IPO13: variants seen among roughly 807,000 people sequenced by gnomAD.
IPO13 encodes the protein importin-13.
In IPO13, 28 loss-of-function variants were observed where a neutral mutation model predicts 115.5. The ratio of observed to expected loss-of-function variants is 0.24; its 90% confidence interval spans 0.18 to 0.33. The LOEUF is 0.33. Ranked by LOEUF, IPO13 falls within the 10% of genes least tolerant of loss-of-function variation. The probability of loss-of-function intolerance (pLI) is 1.00; values close to 1 mark genes in which losing one functional copy is unlikely to be tolerated. For synonymous variants in IPO13, 414 were observed against 478.9 expected, an observed-to-expected ratio of 0.86 and a Z score of 1.77; for missense variants, 785 against 1,204.6, an observed-to-expected ratio of 0.65 and a Z score of 5.16.
Position 43,957,451 on chromosome 1 carries a change from A to T in IPO13, c.1442A>T (p.Asp481Val). 3.1e-6 allele frequency: 5 copies of T among 1,614,144 alleles called. No individual in the cohort carries two copies. Among genetic ancestry groups the T allele is most frequent in the Non-Finnish European group, 4.2e-6 (5 of 1,180,026 alleles). ...TTCCAATCCATCGCAGAGACCATTG[A>T]CGTCAACTATTCTGATGTGGTGCCT... is the stretch of plus-strand genomic sequence containing the variant. ...YGFQSIAETI[D>V]VNYSDVVPGL... The change falls in exon 7 of 20, where the codon GAC (aspartate) becomes GTC (valine). Residue 481 changes from aspartate (D) to valine (V), a missense_variant. Asp to Val is a radical substitution (Grantham distance 152). This residue lies in a region of IPO13 where 175 missense variants were observed against 360.0 expected (regional missense o/e 0.49). Transcript: ENST00000372343.
Position 43,967,836 on chromosome 1 carries a change from A to G in IPO13, c.*154A>G. The G allele has an allele frequency of 1.4e-6, 1 of 708,774 alleles. No homozygotes were observed. The highest frequency in any genetic ancestry group is 2.4e-6 in the Non-Finnish European group (1 of 411,706). 43.9% of individuals were successfully genotyped at this position (708,774 alleles called of 1,614,324 possible). A position where few individuals can be genotyped will look rare whatever the true frequency, so the allele number is the denominator to read the frequency against. ...GAAGGCCTGGGGGAAGGATGGGAGG[A>G]TGCTTGGACCCAGGCCTTGGGAGGG... is the stretch of plus-strand genomic sequence containing the variant. On this transcript the variant is annotated 3_prime_UTR_variant, in exon 20 of 20. Transcript: ENST00000372343. The surrounding 1 kb of genome is among the most constrained non-coding windows in gnomAD (Gnocchi z 6.1).
chr1:43,964,361 C>T, intron 15 of IPO13, 40 bp downstream of exon 15: 1 of 1,414,698 alleles, frequency 7.1e-7, no homozygotes. Flanking sequence ...TGTTCTCTCT[C>T]TTTCTCTTTC....
chr1:43,954,074 C>T (rs2085227294), intron 2 of IPO13, among the ~76,000 whole-genome samples: 1 of 152,226 alleles, frequency 6.6e-6, no homozygotes, highest in African/African-American at 2.4e-5. Flanking sequence ...TCTGCATGAA[C>T]TTTGGCAGGT....
chr1:43,947,278 C>T lies in IPO13; in HGVS notation c.-323C>T, dbSNP rs1191969979. 3 of 399,080 alleles carry T rather than the reference C, an allele frequency of 7.5e-6. No individual in the cohort carries two copies. The highest frequency in any genetic ancestry group is 1.3e-5 in the Non-Finnish European group (3 of 226,278). The allele number at this position is 399,080 out of a possible 1,614,324, so 24.7% of individuals were successfully genotyped here. A position where few individuals can be genotyped will look rare whatever the true frequency, so the allele number is the denominator to read the frequency against. ...GGACTCGGTTTCCCCCGCAGGCCTCCCTCCCCTGTGACTCCCTCCACACAG... is the reference window on the plus strand; with the variant it reads ...GGACTCGGTTTCCCCCGCAGGCCTCTCTCCCCTGTGACTCCCTCCACACAG... On this transcript the variant is annotated 5_prime_UTR_variant, in exon 1 of 20. Transcript: ENST00000372343.
rs1484954412 is a variant in IPO13, at chr1:43,966,664, G to A, written c.2464+23G>A. The A allele has an allele frequency of 3.7e-6, 6 of 1,614,138 alleles. No homozygotes were observed. Among genetic ancestry groups the A allele is most frequent in the Non-Finnish European group, 3.4e-6 (4 of 1,179,952 alleles). Reference sequence around the variant, plus strand: ...GTGGTAAGTGGGGCGAGATGGACAGGTGGGCCTGGGGCTCCCCTAGAAGGA... The same window carrying A: ...GTGGTAAGTGGGGCGAGATGGACAGATGGGCCTGGGGCTCCCCTAGAAGGA... On this transcript the variant is annotated intron_variant, in intron 16 of 19. Coordinates refer to ENST00000372343, the MANE Select transcript of IPO13 (RefSeq NM_014652.4). The surrounding 1 kb of genome is among the most constrained non-coding windows in gnomAD (Gnocchi z 4.1).
rs748795807 is a variant in IPO13 at position 43,967,492 on chromosome 1, C to G, written c.2791C>G (p.Leu931Val). Residue 931 changes from leucine to valine, a missense_variant, in exon 19 of 20, where the codon CTT becomes GTT. Coordinates refer to ENST00000372343, the MANE Select transcript of IPO13 (RefSeq NM_014652.4). The surrounding 1 kb of genome is among the most constrained non-coding windows in gnomAD (Gnocchi z 6.1). ...EQKDTFSQQI[L>V]RERVNKRRVK... is the part of the protein sequence containing the mutation. ...GAAGGATACCTTCAGCCAGCAGATC[C>G]TTCGGTGAGCAGAGCTGGGGTGGGC... 1.2e-6 allele frequency: 2 copies of G among 1,613,964 alleles called. No homozygotes were observed. The highest frequency in any genetic ancestry group is 2.2e-5 in the East Asian group (1 of 44,888).
At position 43,958,419 on chromosome 1, in the gene IPO13, C is replaced by T. The variant is rs373674840; in HGVS notation, c.1750-42C>T. ...GCTCATTTTCCTTCCTACCCCACAACTAGATGTGGCCAGGACTGACCATCC... is the reference window on the plus strand; with the variant it reads ...GCTCATTTTCCTTCCTACCCCACAATTAGATGTGGCCAGGACTGACCATCC... On this transcript the variant is annotated intron_variant, in intron 9 of 19. Coordinates refer to ENST00000372343, the MANE Select transcript of IPO13 (RefSeq NM_014652.4). The surrounding 1 kb of genome is among the most constrained non-coding windows in gnomAD (Gnocchi z 6.3). 3 of 1,612,638 alleles carry T rather than the reference C, an allele frequency of 1.9e-6. No individual in the cohort carries two copies. Among genetic ancestry groups the T allele is most frequent in the East Asian group, 2.2e-5 (1 of 44,894 alleles).
In IPO13 at chr1:43,947,534, C is replaced by A; in HGVS notation, c.-67C>A. 1 of 955,472 alleles carries A rather than the reference C, an allele frequency of 1.0e-6. No homozygotes were observed. Among genetic ancestry groups the A allele is most frequent in the Non-Finnish European group, 1.4e-6 (1 of 725,366 alleles). 59.2% of individuals were successfully genotyped at this position (955,472 alleles called of 1,614,324 possible). A position where few individuals can be genotyped will look rare whatever the true frequency, so the allele number is the denominator to read the frequency against. ...ACCCAAGCCGGGGTCTAGCAGGGGG[C>A]CAGCAGCCAAGGGGCTGGGGCAGGA... On this transcript the variant is annotated 5_prime_UTR_variant, in exon 1 of 20. Transcript: ENST00000372343.
intron 13 of IPO13, 73 bp from the exon 14 acceptor site, chr1:43,961,093 T>G: frequency 6.2e-7 from 1 of 1,608,618 alleles, no homozygotes; most frequent in South Asian, 1.1e-5. Context: ...GGTCCCCACT[T>G]GCATTCCAGG....
chr1:43,967,877 C>T lies in IPO13; in HGVS notation c.*195C>T, dbSNP rs2085337765. 1.1e-5 allele frequency: 7 copies of T among 614,740 alleles called. No individual in the cohort carries two copies. The highest frequency in any genetic ancestry group is 5.8e-5 in the South Asian group (3 of 51,694). The allele number at this position is 614,740 out of a possible 1,614,324, so 38.1% of individuals were successfully genotyped here. ...CTTGGGAGGGAATGGTGGGAACATC[C>T]TCTAGCTCCCAGGTTGGAAGAGATA... On this transcript the variant is annotated 3_prime_UTR_variant, in exon 20 of 20. Coordinates refer to ENST00000372343, the MANE Select transcript of IPO13 (RefSeq NM_014652.4). This position sits in a 1 kb window ranked among gnomAD's most constrained non-coding sequence, Gnocchi z 6.1.
intron 2 of IPO13, among the ~76,000 whole-genome samples, chr1:43,955,380 CCA>C (rs1295356778): frequency 1.3e-5 from 2 of 152,078 alleles, no homozygotes; most frequent in Non-Finnish European, 2.9e-5. Context: ...TAACATAGTA[CCA>C]CAAACTAGGT....
intron 1 of IPO13, among the ~76,000 whole-genome samples, 197 bp from the exon 2 acceptor site, chr1:43,949,220 G>C (rs2085188487): frequency 6.6e-6 from 1 of 152,204 alleles, no homozygotes; most frequent in Admixed American, 6.5e-5. Flanking sequence ...ATATGGTAGA[G>C]CATGGGCAAG....
chr1:43,966,995 T>A lies in IPO13; in HGVS notation c.2589T>A (p.Arg863=). 4 of 1,613,678 alleles carry A rather than the reference T, an allele frequency of 2.5e-6. No homozygotes were observed. The highest frequency in any genetic ancestry group is 3.4e-6 in the Non-Finnish European group (4 of 1,179,956). The change falls in exon 18 of 20, where the codon CGT becomes CGA. Residue 863 remains arginine, a synonymous_variant. Transcript: ENST00000372343. This position sits in a 1 kb window ranked among gnomAD's most constrained non-coding sequence, Gnocchi z 4.1. The part of the protein sequence containing the change: ...SVGKVVQEDG[R]MLLIAVLEAI... ...GAAAGGTGGTACAGGAAGACGGTCGTATGCTGCTCATAGCAGTGCTGGAGG... is the reference window on the plus strand; with the variant it reads ...GAAAGGTGGTACAGGAAGACGGTCGAATGCTGCTCATAGCAGTGCTGGAGG...
chr1:43,963,363 G>T (rs1169239763), intron 14 of IPO13, among the ~76,000 whole-genome samples: 1 of 152,194 alleles, frequency 6.6e-6, no homozygotes, highest in Non-Finnish European at 1.5e-5. Context: ...CTTGTTGGTT[G>T]TCTCGCTGGA....
chr1:43,956,224 GC>G lies in IPO13; in HGVS notation c.822-95del. ...CTTAGGATTTGATAAGGGAAGGGGA[GC>G]TTTGATGGAAGACAAGGAGATTATG... On this transcript the variant is annotated intron_variant, in intron 2 of 19. Transcript: ENST00000372343. The surrounding 1 kb of genome is among the most constrained non-coding windows in gnomAD (Gnocchi z 4.7). 1 of 1,388,910 alleles carries G rather than the reference GC, an allele frequency of 7.2e-7. No individual in the cohort carries two copies. Among genetic ancestry groups the G allele is most frequent in the Non-Finnish European group, 9.9e-7 (1 of 1,006,330 alleles). 86.0% of individuals were successfully genotyped at this position (1,388,910 alleles called of 1,614,324 possible). A position where few individuals can be genotyped will look rare whatever the true frequency, so the allele number is the denominator to read the frequency against.
At chr1:43,965,842 A>G (rs1337153991) in intron 15 of IPO13, 1 of 155,530 alleles carries the variant, frequency 6.4e-6, no homozygotes, top group African/African-American at 2.4e-5. Flanking sequence ...GGGGAGCAGC[A>G]GTGTTTGAGG....
intron 14 of IPO13, among the ~76,000 whole-genome samples, chr1:43,961,916 T>C (rs1034874176): frequency 6.6e-6 from 1 of 152,200 alleles, no homozygotes; most frequent in African/African-American, 2.4e-5. Context: ...TGTGGCCCTT[T>C]GCCTGAGAGA....
intron 15 of IPO13, among the ~76,000 whole-genome samples, chr1:43,965,411 A>C (rs2085315831): frequency 6.8e-6 from 1 of 147,964 alleles, no homozygotes; most frequent in Admixed American, 6.7e-5. Flanking sequence ...GGAACTTACA[A>C]GTCTAGTTTC....
Position 43,949,922 on chromosome 1 carries a change from A to T in IPO13, c.590A>T (p.Glu197Val). The T allele has an allele frequency of 6.2e-7, 1 of 1,610,038 alleles. No homozygotes were observed. The highest frequency in any genetic ancestry group is 8.5e-7 in the Non-Finnish European group (1 of 1,179,616). Residue 197 changes from glutamate to valine, a missense_variant, in exon 2 of 20, where the codon GAA becomes GTA. Physicochemically the swap from Glu to Val is moderately radical, Grantham distance 121 (BLOSUM62 -2). Around this residue, in one of 3 missense-constraint regions of IPO13, gnomAD observed 325 missense variants for 449.8 expected, o/e 0.72. Transcript: ENST00000372343. Reference sequence around the variant, plus strand: ...CTGGTGCGGACCAGCCTGGCGGTGGAATGTGGGGCTGTCTTCCCGCTGCTG... The same window carrying T: ...CTGGTGCGGACCAGCCTGGCGGTGGTATGTGGGGCTGTCTTCCCGCTGCTG... ...KGLVRTSLAV[E>V]CGAVFPLLEQ...
Sources: gnomAD v4.1 joint callset for allele counts (sites outside exome capture counted in the v4.1 genomes callset) on GRCh38, gnomAD v4.1.1 for gene constraint, gnomAD v4.1.1 regional missense constraint, Gnocchi (gnomAD v3.1) non-coding constraint, MANE v1.5 for transcripts, NCBI Gene and HGNC (gene_info 2026-07-23, HGNC 2026-07-21) for gene names.